CHRM3: variants seen among roughly 807,000 people sequenced by gnomAD.
The protein encoded by CHRM3 is muscarinic acetylcholine receptor M3.
Under a neutral mutation model 41.8 loss-of-function variants are expected in CHRM3, and 11 were observed. The ratio of observed to expected loss-of-function variants is 0.26; its 90% CI spans 0.17 to 0.44. The LOEUF (loss-of-function observed/expected upper bound fraction) is 0.44, where lower values mean the gene tolerates loss of function less well. CHRM3 is among the 20% of genes least tolerant of loss of function. The pLI, the probability that CHRM3 is intolerant of heterozygous loss-of-function variation, is 1.00. For synonymous variants in CHRM3, 297 were observed against 301.4 expected, an observed-to-expected ratio of 0.99 and a Z score of 0.15; for missense variants, 571 against 745.4, an observed-to-expected ratio of 0.77 and a Z score of 2.72.
At chr1:239,811,979 T>C (rs1671156009) in intron 5 of CHRM3, among the ~76,000 whole-genome samples, 1 of 152,244 alleles carries the variant, frequency 6.6e-6, no homozygotes, top group Admixed American at 6.5e-5. Flanking sequence ...GTTTAATTCA[T>C]ATCGATTTAT....
At chr1:239,426,168 A>C (rs1572255674) in intron 1 of CHRM3, among the ~76,000 whole-genome samples, 1 of 73,032 alleles carries the variant, frequency 1.4e-5, no homozygotes, top group African/African-American at 5.6e-5. Context: ...CCCACCCCAC[A>C]ACAGGCCCGG....
At chr1:239,714,354 T>C (rs1270746111) in intron 5 of CHRM3, 1 of 152,120 alleles carries the variant, frequency 6.6e-6, no homozygotes, top group Non-Finnish European at 1.5e-5. Context: ...AGATAAAAGG[T>C]GGCAGTGGAG....
chr1:239,651,183 C>G (rs1193479958), intron 4 of CHRM3, among the ~76,000 whole-genome samples: 1 of 152,034 alleles, frequency 6.6e-6, no homozygotes, highest in Non-Finnish European at 1.5e-5. Flanking sequence ...CTATTAGTTT[C>G]TTTATAAACA....
At chr1:239,502,328 C>T in intron 2 of CHRM3, among the ~76,000 whole-genome samples, 1 of 152,020 alleles carries the variant, frequency 6.6e-6, no homozygotes, top group South Asian at 2.1e-4. Context: ...AACCAGAAAA[C>T]CTAGAGGAGA....
intron 5 of CHRM3, among the ~76,000 whole-genome samples, chr1:239,807,504 A>G (rs1196753123): frequency 6.6e-6 from 1 of 152,252 alleles, no homozygotes; most frequent in African/African-American, 2.4e-5. Context: ...TACTTCCACC[A>G]GAAGAGAAGC....
chr1:239,888,211 C>CA (rs1013659199), intron 6 of CHRM3, among the ~76,000 whole-genome samples: 17 of 151,730 alleles, frequency 1.1e-4, no homozygotes, highest in African/African-American at 4.1e-4. Flanking sequence ...AAAAAGAATG[C>CA]AAAAAAGTAG....
chr1:239,807,479 A>G (rs1670746932), intron 5 of CHRM3, among the ~76,000 whole-genome samples: 2 of 152,238 alleles, frequency 1.3e-5, no homozygotes, highest in South Asian at 2.1e-4. Context: ...CTACAGGGGG[A>G]ATGAAAGGAG....
chr1:239,418,421 C>A (rs972833841), intron 1 of CHRM3, among the ~76,000 whole-genome samples: 3 of 152,070 alleles, frequency 2.0e-5, no homozygotes, highest in Admixed American at 6.6e-5. Context: ...AGAAAACAGT[C>A]ATTTTTCAGT....
At position 239,649,715 on chromosome 1, in the gene CHRM3, A is replaced by T. The variant is rs1356175709; in HGVS notation, c.-250+17429A>T. Among the ~76,000 whole-genome samples the T allele has an allele frequency of 2.0e-5, 3 of 152,250 alleles. No individual in the cohort carries two copies. The East Asian group carries it at 5.8e-4, about 30-fold the overall frequency. ...GGGTGAGAAAGAGGACTACTGCAGGAGTAGAGATCTTGAGTGCGAGAGAAG... is the reference window on the plus strand; with the variant it reads ...GGGTGAGAAAGAGGACTACTGCAGGTGTAGAGATCTTGAGTGCGAGAGAAG... On this transcript the variant is annotated intron_variant, in intron 4 of 6. Transcript: ENST00000676153.
intron 1 of CHRM3, among the ~76,000 whole-genome samples, chr1:239,404,679 A>G (rs1660426933): frequency 6.9e-6 from 1 of 144,178 alleles, no homozygotes; most frequent in South Asian, 2.2e-4. Flanking sequence ...TGGAAAATTA[A>G]GTTGAAACCG....
chr1:239,704,913 A>C (rs1056312551), intron 5 of CHRM3: 1 of 152,226 alleles, frequency 6.6e-6, no homozygotes, highest in East Asian at 1.9e-4. Flanking sequence ...AAAGAAGTAC[A>C]AAATGTCTGG....
At chr1:239,847,848 G>T (rs1038996825) in intron 6 of CHRM3, among the ~76,000 whole-genome samples, 8 of 151,918 alleles carry the variant, frequency 5.3e-5, no homozygotes, top group African/African-American at 1.7e-4. Context: ...CCGGGATGTT[G>T]AGGCTGCAGT....
chr1:239,708,736 CTTTT>C (rs869143310), intron 5 of CHRM3, among the ~76,000 whole-genome samples: 68 of 48,342 alleles, frequency 1.4e-3, no homozygotes, highest in South Asian at 5.6e-3. Flanking sequence ...TTTAAATTTT[CTTTT>C]TTTTTTTTTT....
chr1:239,397,085 C>A (rs569576996), intron 1 of CHRM3, among the ~76,000 whole-genome samples: 8 of 152,130 alleles, frequency 5.3e-5, no homozygotes, highest in Non-Finnish European at 1.0e-4. Flanking sequence ...AATACTACCC[C>A]GGAAGTTCCA....
chr1:239,701,516 A>G (rs548875091), intron 5 of CHRM3, among the ~76,000 whole-genome samples: 10 of 152,312 alleles, frequency 6.6e-5, no homozygotes, highest in African/African-American at 2.4e-4. Flanking sequence ...TGTTGTCATG[A>G]TTGACAGCTG....
intron 1 of CHRM3, among the ~76,000 whole-genome samples, chr1:239,440,625 A>G (rs1663644993): frequency 6.6e-6 from 1 of 152,184 alleles, no homozygotes; most frequent in African/African-American, 2.4e-5. Context: ...CCAATTTGGA[A>G]GTTGGAGGAC....
rs545936732 is a variant in CHRM3 at position 239,848,104 on chromosome 1, C to A, written c.-20+20726C>A. Among the ~76,000 whole-genome samples the A allele has an allele frequency of 6.6e-5, 10 of 152,160 alleles. No homozygotes were observed. The South Asian group carries it at 1.7e-3, about 25-fold the overall frequency. ...TTTAAGGCTTTCATGCATACATTTG[C>A]CTAATTATAATAGATATATCCATTC... On this transcript the variant is annotated intron_variant, in intron 6 of 6. Transcript: ENST00000676153.
intron 5 of CHRM3, among the ~76,000 whole-genome samples, chr1:239,809,503 T>G (rs2148971530): frequency 6.6e-6 from 1 of 152,066 alleles, no homozygotes; most frequent in Non-Finnish European, 1.5e-5. Context: ...GTTTTTTGTT[T>G]GTTTGTTTTC....
At chr1:239,880,216 A>G (rs1677473534) in intron 6 of CHRM3, among the ~76,000 whole-genome samples, 2 of 152,194 alleles carry the variant, frequency 1.3e-5, no homozygotes, top group Admixed American at 1.3e-4. Flanking sequence ...GGCTCTTCAT[A>G]GGACTCATGT....
Sources: gnomAD v4.1 joint callset for allele counts (sites outside exome capture counted in the v4.1 genomes callset) on GRCh38, gnomAD v4.1.1 for gene constraint, MANE v1.5 for transcripts, NCBI Gene and HGNC (gene_info 2026-07-23, HGNC 2026-07-21) for gene names.